The following PDE1A variants were observed in gnomAD, a reference collection of about 807,000 sequenced individuals.
The protein encoded by PDE1A is phosphodiesterase 1A.
In PDE1A, 35 loss-of-function variants were observed where a neutral mutation model predicts 61.7. That is an observed-to-expected ratio of 0.57 (90% CI 0.43 to 0.75). PDE1A has a LOEUF of 0.75. PDE1A is among the 30% of genes least tolerant of loss of function. The pLI, the probability that PDE1A is intolerant of heterozygous loss-of-function variation, is 0.00. For synonymous variants in PDE1A, 232 were observed against 213.2 expected, an observed-to-expected ratio of 1.09 and a Z score of -0.77; for missense variants, 597 against 630.6, an observed-to-expected ratio of 0.95 and a Z score of 0.57.
intron 2 of PDE1A, among the ~76,000 whole-genome samples, chr2:182,454,235 A>G (rs76152946): frequency 0.15 from 23,068 of 152,100 alleles, 2,164 homozygotes; most frequent in Middle Eastern, 0.32. Flanking sequence ...CTCTTCAAGG[A>G]GAACTACAAA....
At chr2:182,592,383 A>G in the PDE1A span, among the ~76,000 whole-genome samples, 2 of 152,224 alleles carry the variant, frequency 1.3e-5, no homozygotes, top group East Asian at 3.9e-4. Context: ...ATTATGGGCA[A>G]AAGTTTTGCA....
upstream of PDE1A, among the ~76,000 whole-genome samples, chr2:182,527,329 TA>T (rs1690791964): frequency 1.3e-4 from 1 of 7,448 alleles, no homozygotes; most frequent in African/African-American, 4.7e-4. Context: ...AAAAAAAAAA[TA>T]TATATATATA....
intron 1 of PDE1A, among the ~76,000 whole-genome samples, chr2:182,367,141 A>G (rs1393154861): frequency 2.0e-5 from 3 of 152,080 alleles, no homozygotes; most frequent in African/African-American, 2.4e-5. Flanking sequence ...TTAGAAAAAA[A>G]AACAAGCTTG....
the PDE1A span, among the ~76,000 whole-genome samples, chr2:182,629,069 C>T: frequency 6.6e-6 from 1 of 152,140 alleles, no homozygotes; most frequent in African/African-American, 2.4e-5. Flanking sequence ...TGCAGGTGGT[C>T]TCTGAGACAT....
chr2:182,579,628 T>C, the PDE1A span, among the ~76,000 whole-genome samples: 1 of 152,082 alleles, frequency 6.6e-6, no homozygotes, highest in South Asian at 2.1e-4. Context: ...TTGACTGTCA[T>C]TGTTGGCATA....
the PDE1A span, among the ~76,000 whole-genome samples, chr2:182,714,792 C>T: frequency 6.6e-6 from 1 of 152,158 alleles, no homozygotes; most frequent in Non-Finnish European, 1.5e-5. Context: ...CTCTTGACCT[C>T]AAGTGATCCA....
chr2:182,567,212 G>C, the PDE1A span, among the ~76,000 whole-genome samples: 17 of 152,240 alleles, frequency 1.1e-4, no homozygotes, highest in Admixed American at 1.1e-3. Flanking sequence ...TAGGAAATCA[G>C]CAAGAAAACT....
At chr2:182,475,465 T>C (rs192750675) in intron 2 of PDE1A, among the ~76,000 whole-genome samples, 11 of 151,984 alleles carry the variant, frequency 7.2e-5, no homozygotes, top group Non-Finnish European at 1.3e-4. Context: ...AACTGAGAAG[T>C]GATTTATATT....
chr2:182,172,225 A>C (rs577179621), intron 13 of PDE1A, among the ~76,000 whole-genome samples: 1 of 152,152 alleles, frequency 6.6e-6, no homozygotes, highest in South Asian at 2.1e-4. Context: ...AAAGTGGAGC[A>C]AACTTTCTTC....
At chr2:182,363,861 A>G (rs1344182362) in intron 1 of PDE1A, among the ~76,000 whole-genome samples, 3 of 152,046 alleles carry the variant, frequency 2.0e-5, no homozygotes, top group Non-Finnish European at 4.4e-5. Flanking sequence ...TGTACCACGA[A>G]CTATGCATAT....
chr2:182,445,966 G>C (rs191883795), intron 2 of PDE1A, among the ~76,000 whole-genome samples: 1 of 151,958 alleles, frequency 6.6e-6, no homozygotes, highest in Non-Finnish European at 1.5e-5. Context: ...ATAGAAATGA[G>C]GTAACATGCT....
chr2:182,313,910 A>C (rs1696161809), intron 1 of PDE1A, among the ~76,000 whole-genome samples: 2 of 152,230 alleles, frequency 1.3e-5, no homozygotes, highest in Admixed American at 1.3e-4. Context: ...GCAATGAGGT[A>C]GAGCAACTTG....
At chr2:182,234,980 C>A (rs1237600586) in intron 3 of PDE1A, among the ~76,000 whole-genome samples, 4 of 152,106 alleles carry the variant, frequency 2.6e-5, no homozygotes, top group Non-Finnish European at 5.9e-5. Context: ...GGTCCCCCTT[C>A]TTTTATTTAA....
intron 1 of PDE1A, among the ~76,000 whole-genome samples, chr2:182,282,842 C>T (rs1246824677): frequency 6.6e-6 from 1 of 151,946 alleles, no homozygotes; most frequent in Non-Finnish European, 1.5e-5. Flanking sequence ...ATTAAAACTT[C>T]CTTAATGTTC....
chr2:182,454,838 G>C (rs894702514), intron 2 of PDE1A, among the ~76,000 whole-genome samples: 2 of 151,036 alleles, frequency 1.3e-5, no homozygotes, highest in African/African-American at 2.4e-5. Flanking sequence ...TAGGCAATAC[G>C]ATTGAGGACA....
At position 182,292,920 on chromosome 2, in the gene PDE1A, G is replaced by T. The variant is rs184827265; in HGVS notation, c.54-28506C>A. On this transcript the variant is annotated intron_variant, in intron 1 of 13. Transcript: ENST00000351439. Reference sequence around the variant, plus strand: ...TTTGCAAACTTAAAAAATATTGTCAGTGTATCATTGTGAGGTTTCCAATTC... The same window carrying T: ...TTTGCAAACTTAAAAAATATTGTCATTGTATCATTGTGAGGTTTCCAATTC... 1.4e-4 allele frequency among the ~76,000 whole-genome samples: 22 copies of T among 152,078 alleles called. No individual in the cohort carries two copies. In the East Asian group the frequency reaches 3.1e-3, roughly 21 times the overall value.
chr2:182,430,767 C>T (rs1288214357), upstream of PDE1A, among the ~76,000 whole-genome samples: 1 of 135,824 alleles, frequency 7.4e-6, no homozygotes, highest in Non-Finnish European at 1.6e-5. Context: ...CCATGGAATA[C>T]TATGCAGCCA....
intron 3 of PDE1A, among the ~76,000 whole-genome samples, chr2:182,236,420 AG>A (rs1208854891): frequency 1.3e-5 from 2 of 151,654 alleles, no homozygotes; most frequent in African/African-American, 4.8e-5. Flanking sequence ...ATGGAGGTGC[AG>A]GGGAAATGGA....
At chr2:182,698,511 C>T in the PDE1A span, among the ~76,000 whole-genome samples, 3 of 152,066 alleles carry the variant, frequency 2.0e-5, no homozygotes, top group African/African-American at 7.2e-5. Context: ...ATATTATATA[C>T]TATAGCATTA....
Sources: gnomAD v4.1 joint callset for allele counts (sites outside exome capture counted in the v4.1 genomes callset) on GRCh38, gnomAD v4.1.1 for gene constraint, MANE v1.5 for transcripts, NCBI Gene and HGNC (gene_info 2026-07-23, HGNC 2026-07-21) for gene names.